The following NTN4 variants were observed in gnomAD, a reference collection of about 807,000 sequenced individuals.
The protein encoded by NTN4 is netrin 4, also known as netrin-4.
Under a neutral mutation model 73.6 loss-of-function variants are expected in NTN4, and 32 were observed. That is an observed-to-expected ratio of 0.44 (90% CI 0.33 to 0.58). The LOEUF (loss-of-function observed/expected upper bound fraction) is 0.58. Among genes scored for constraint, NTN4 ranks in the 20% least tolerant of loss-of-function variants. The probability of loss-of-function intolerance (pLI) is 0.04; values close to 1 mark genes in which losing one functional copy is unlikely to be tolerated. For missense variants in NTN4, 654 were observed against 798.3 expected (o/e 0.82, Z 2.18); for synonymous variants, 258 against 287.5 (o/e 0.90, Z 1.04).
intron 8 of NTN4, 30 bp downstream of exon 8, chr12:95,670,048 C>CA (rs2078215537): frequency 1.4e-6 from 2 of 1,422,408 alleles, no homozygotes; most frequent in Non-Finnish European, 1.9e-6. Flanking sequence ...TGAATAGGTT[C>CA]TCAGAAGCAT....
At chr12:95,771,282 C>A (rs576023407) in intron 2 of NTN4, among the ~76,000 whole-genome samples, 2 of 152,160 alleles carry the variant, frequency 1.3e-5, no homozygotes, top group African/African-American at 4.8e-5. Flanking sequence ...AGCCACCGCG[C>A]GGGGCCAAGA....
chr12:95,757,789 T>G (rs2121236304), intron 2 of NTN4, among the ~76,000 whole-genome samples: 1 of 149,130 alleles, frequency 6.7e-6, no homozygotes, highest in East Asian at 2.0e-4. Flanking sequence ...AAAAAAAATG[T>G]AATTAAAAAT....
intron 7 of NTN4, chr12:95,672,595 T>A: frequency 6.5e-7 from 1 of 1,526,988 alleles, no homozygotes; most frequent in South Asian, 1.1e-5. Context: ...GTCTGACCGA[T>A]CTCGGTAAAG....
intron 8 of NTN4, among the ~76,000 whole-genome samples, chr12:95,668,824 T>C (rs1473885037): frequency 6.6e-6 from 1 of 152,076 alleles, no homozygotes; most frequent in Admixed American, 6.5e-5. Context: ...ACCCCATCTC[T>C]GCTAAAAATA....
chr12:95,712,435 T>C (rs1166993960), intron 4 of NTN4, among the ~76,000 whole-genome samples: 3 of 152,232 alleles, frequency 2.0e-5, no homozygotes, highest in Non-Finnish European at 4.4e-5. Flanking sequence ...GGCAAATCAC[T>C]TAATCTTACT....
chr12:95,670,123 T>C lies in NTN4; in HGVS notation c.1534A>G (p.Thr512Ala). 1 of 1,598,314 alleles carries C rather than the reference T, an allele frequency of 6.3e-7. No homozygotes were observed. Among genetic ancestry groups the C allele is most frequent in the Non-Finnish European group, 8.5e-7 (1 of 1,170,532 alleles). The change falls in exon 8 of 10, where the codon ACA becomes GCA. Residue 512 changes from threonine (T) to alanine (A), a missense_variant. Transcript: ENST00000343702. The part of the protein sequence containing the change: ...HSGKCECKEQ[T>A]LGNAKAFCGM... ...CAGAATGCCTTGGCATTTCCTAATG[T>C]CTGTTCCTTACATTCGCATTTACCT...
chr12:95,757,459 G>T (rs1465166802), intron 2 of NTN4, among the ~76,000 whole-genome samples: 1 of 152,126 alleles, frequency 6.6e-6, no homozygotes, highest in Non-Finnish European at 1.5e-5. Flanking sequence ...AGTGATCAGG[G>T]GAGTGAAATG....
At chr12:95,710,307 A>T (rs1049054536) in intron 5 of NTN4, 134 bp downstream of exon 5, 1 of 643,782 alleles carries the variant, frequency 1.6e-6, no homozygotes, top group African/African-American at 1.8e-5. Context: ...TCAATGAAGA[A>T]ATTAACCGAT....
At chr12:95,684,771 T>C (rs1363979116) in intron 5 of NTN4, among the ~76,000 whole-genome samples, 1 of 152,242 alleles carries the variant, frequency 6.6e-6, no homozygotes, top group East Asian at 1.9e-4. Context: ...CATACATATA[T>C]ACACTTTTCA....
In NTN4 at chr12:95,764,493, C is replaced by T. The variant is rs554204025; in HGVS notation, c.585+22446G>A. Among the ~76,000 whole-genome samples the T allele has an allele frequency of 7.2e-5, 11 of 152,216 alleles. No individual in the cohort carries two copies. The East Asian group carries it at 1.7e-3, about 24-fold the overall frequency. On this transcript the variant is annotated intron_variant, in intron 2 of 9. Coordinates refer to ENST00000343702, the MANE Select transcript of NTN4 (RefSeq NM_021229.4). ...CAGCCTGGCCAACATGGCGAAACCC[C>T]GTCTCTACTAAAAATACAAAAATTA...
intron 2 of NTN4, among the ~76,000 whole-genome samples, chr12:95,743,466 G>C (rs781673367): frequency 6.6e-6 from 1 of 152,180 alleles, no homozygotes; most frequent in Non-Finnish European, 1.5e-5. Context: ...TGGACTTGAA[G>C]ATCATTGATT....
intron 2 of NTN4, among the ~76,000 whole-genome samples, chr12:95,765,331 T>C (rs954072961): frequency 6.6e-6 from 1 of 152,210 alleles, no homozygotes; most frequent in Non-Finnish European, 1.5e-5. Flanking sequence ...ACTCTATTAT[T>C]GCCTGTCTAG....
intron 3 of NTN4, among the ~76,000 whole-genome samples, chr12:95,729,626 AGAGAGAGTGTGTGTGTGTGTGTGTGTGT>A (rs1363068078): frequency 8.2e-6 from 1 of 122,518 alleles, no homozygotes; most frequent in Non-Finnish European, 1.7e-5. Flanking sequence ...AGAGAGAGAG[AGAGAGAGTGTGTGTGTGTGTGTGTGTGT>A]GTGTGTGTGT....
chr12:95,681,947 G>A (rs2078319205), intron 7 of NTN4, among the ~76,000 whole-genome samples: 1 of 151,586 alleles, frequency 6.6e-6, no homozygotes, highest in Admixed American at 6.6e-5. Flanking sequence ...ATAAACATAA[G>A]GAGTTCACAT....
intron 8 of NTN4, among the ~76,000 whole-genome samples, chr12:95,668,703 T>G (rs1163329641): frequency 6.6e-6 from 1 of 152,172 alleles, no homozygotes; most frequent in Non-Finnish European, 1.5e-5. Context: ...CAATAAAAAG[T>G]CTCAGGCTGG....
chr12:95,777,317 A>G (rs2079100809), intron 2 of NTN4, among the ~76,000 whole-genome samples: 1 of 152,224 alleles, frequency 6.6e-6, no homozygotes, highest in South Asian at 2.1e-4. Flanking sequence ...AACAATATTA[A>G]CCTTAAATGT....
chr12:95,661,062 C>T (rs376464569), intron 9 of NTN4, among the ~76,000 whole-genome samples: 19 of 152,046 alleles, frequency 1.2e-4, no homozygotes, highest in African/African-American at 4.1e-4. Context: ...AAGTTGAGCA[C>T]CAAGAAACAT....
chr12:95,681,417 A>G (rs911984913), intron 7 of NTN4, among the ~76,000 whole-genome samples: 9 of 152,186 alleles, frequency 5.9e-5, no homozygotes, highest in Non-Finnish European at 1.3e-4. Context: ...CAATTACGGC[A>G]AAGTGTGAGA....
intron 7 of NTN4, among the ~76,000 whole-genome samples, chr12:95,676,645 T>C (rs182600609): frequency 6.6e-6 from 1 of 151,766 alleles, no homozygotes; most frequent in Admixed American, 6.6e-5. Flanking sequence ...AGTGAGTTAA[T>C]AATCACTGGA....
Sources: gnomAD v4.1 joint callset for allele counts (sites outside exome capture counted in the v4.1 genomes callset) on GRCh38, gnomAD v4.1.1 for gene constraint, MANE v1.5 for transcripts, NCBI Gene and HGNC (gene_info 2026-07-23, HGNC 2026-07-21) for gene names.